Variants in EPHA3 observed in about 807,000 individuals in gnomAD.
The protein encoded by EPHA3 is ephrin type-A receptor 3.
Under a neutral mutation model 107.1 loss-of-function variants are expected in EPHA3, and 42 were observed. That is an observed-to-expected ratio of 0.39 (90% CI 0.31 to 0.51). The LOEUF (loss-of-function observed/expected upper bound fraction) is 0.51. Ranked by LOEUF, EPHA3 falls within the 20% of genes least tolerant of loss-of-function variation. EPHA3 has a pLI of 0.78. For synonymous variants in EPHA3, 461 were observed against 424.8 expected, an observed-to-expected ratio of 1.09 and a Z score of -1.05; for missense variants, 1,183 against 1,211.2, an observed-to-expected ratio of 0.98 and a Z score of 0.35.
At chr3:89,201,533 G>A (rs185862838) in intron 2 of EPHA3, among the ~76,000 whole-genome samples, 13 of 152,294 alleles carry the variant, frequency 8.5e-5, no homozygotes, top group African/African-American at 3.1e-4. Flanking sequence ...TACACAGTGG[G>A]AGGAGGTGCT....
At chr3:89,297,998 G>A (rs1706399588) in intron 3 of EPHA3, among the ~76,000 whole-genome samples, 1 of 152,248 alleles carries the variant, frequency 6.6e-6, no homozygotes, top group South Asian at 2.1e-4. Flanking sequence ...TCATGCCACT[G>A]TACTCCAGCC....
At chr3:89,305,261 A>G (rs1706587886) in intron 3 of EPHA3, among the ~76,000 whole-genome samples, 1 of 152,114 alleles carries the variant, frequency 6.6e-6, no homozygotes, top group South Asian at 2.1e-4. Context: ...TTTCAACATG[A>G]TGAGTTATTT....
chr3:89,179,721 C>T (rs867850527), intron 2 of EPHA3, among the ~76,000 whole-genome samples: 1 of 151,394 alleles, frequency 6.6e-6, no homozygotes, highest in East Asian at 1.9e-4. Context: ...CCTTGTCTAG[C>T]TCCTTTTTCG....
At chr3:89,384,404 G>T (rs1488164095) in intron 5 of EPHA3, among the ~76,000 whole-genome samples, 1 of 152,118 alleles carries the variant, frequency 6.6e-6, no homozygotes, top group Non-Finnish European at 1.5e-5. Flanking sequence ...GAAAGTGAAA[G>T]ACAGAAACTT....
At chr3:89,370,483 A>T (rs1308135670) in intron 5 of EPHA3, among the ~76,000 whole-genome samples, 2 of 151,654 alleles carry the variant, frequency 1.3e-5, no homozygotes, top group Non-Finnish European at 2.9e-5. Context: ...CAGGAAGGGG[A>T]ACATCATACT....
intron 2 of EPHA3, among the ~76,000 whole-genome samples, chr3:89,208,418 G>GAAA: frequency 1.5e-5 from 1 of 68,892 alleles, no homozygotes; most frequent in Non-Finnish European, 2.6e-5. Flanking sequence ...AAGGAAGGAA[G>GAAA]GAAGGAAGAA....
At chr3:89,394,434 C>A (rs754901714) in intron 5 of EPHA3, among the ~76,000 whole-genome samples, 1 of 152,156 alleles carries the variant, frequency 6.6e-6, no homozygotes, top group South Asian at 2.1e-4. Context: ...TCATCATTCC[C>A]AGGCCAATCC....
At chr3:89,389,266 A>G (rs1354666770) in intron 5 of EPHA3, among the ~76,000 whole-genome samples, 1 of 152,196 alleles carries the variant, frequency 6.6e-6, no homozygotes, top group Non-Finnish European at 1.5e-5. Context: ...ATTTAACAGA[A>G]GTGTTCACTT....
At chr3:89,133,739 T>C (rs146041002) in intron 2 of EPHA3, among the ~76,000 whole-genome samples, 159 of 152,264 alleles carry the variant, frequency 1.0e-3, no homozygotes, top group African/African-American at 3.8e-3. Context: ...GGAATTGCAG[T>C]TTTCGATGCC....
intron 1 of EPHA3, among the ~76,000 whole-genome samples, chr3:89,124,443 G>C (rs921851301): frequency 6.6e-6 from 1 of 152,050 alleles, no homozygotes. Context: ...TCACTTTAAA[G>C]TATTTAGAAT....
chr3:89,407,573 C>A (rs1027297024), intron 8 of EPHA3, among the ~76,000 whole-genome samples: 4 of 152,056 alleles, frequency 2.6e-5, no homozygotes, highest in African/African-American at 9.7e-5. Context: ...ACATTAAATT[C>A]CTGTCCCCAC....
At chr3:89,261,853 A>AT (rs1365097163) in intron 3 of EPHA3, among the ~76,000 whole-genome samples, 4 of 150,920 alleles carry the variant, frequency 2.7e-5, no homozygotes, top group Non-Finnish European at 4.4e-5. Context: ...GGTTTTTGCC[A>AT]TACTTTTAAT....
chr3:89,370,299 C>T (rs1257594004), intron 5 of EPHA3, among the ~76,000 whole-genome samples: 2 of 151,688 alleles, frequency 1.3e-5, no homozygotes, highest in Non-Finnish European at 2.9e-5. Flanking sequence ...AAATGTGGCA[C>T]ATATACACCA....
At chr3:89,390,217 C>A (rs1293636404) in intron 5 of EPHA3, among the ~76,000 whole-genome samples, 1 of 152,118 alleles carries the variant, frequency 6.6e-6, no homozygotes. Flanking sequence ...TCTCGACCTC[C>A]TGACCTCATG....
At chr3:89,351,374 G>A (rs1389497272) in intron 5 of EPHA3, among the ~76,000 whole-genome samples, 12 of 150,860 alleles carry the variant, frequency 8.0e-5, no homozygotes, top group Admixed American at 1.3e-4. Flanking sequence ...GGAGTGACCC[G>A]ATTTTCCAGG....
At chr3:89,241,370 A>T (rs1404075999) in intron 3 of EPHA3, among the ~76,000 whole-genome samples, 1 of 152,152 alleles carries the variant, frequency 6.6e-6, no homozygotes, top group Non-Finnish European at 1.5e-5. Context: ...TTTGCCACTG[A>T]CTGAATGCAT....
At chr3:89,268,329 G>C (rs1705585501) in intron 3 of EPHA3, among the ~76,000 whole-genome samples, 1 of 152,036 alleles carries the variant, frequency 6.6e-6, no homozygotes, top group African/African-American at 2.4e-5. Flanking sequence ...GGAAACATGT[G>C]CTTCCTAATG....
chr3:89,217,830 G>A (rs928302052), intron 3 of EPHA3, among the ~76,000 whole-genome samples: 4 of 152,142 alleles, frequency 2.6e-5, no homozygotes, highest in African/African-American at 9.7e-5. Context: ...GCTATGAGAT[G>A]AAGGAATACC....
At chr3:89,473,624 T>C (rs1559709288) in intron 16 of EPHA3, among the ~76,000 whole-genome samples, 2 of 152,206 alleles carry the variant, frequency 1.3e-5, no homozygotes, top group Non-Finnish European at 2.9e-5. Flanking sequence ...CTCTTGGTCA[T>C]ATAGCCTTAT....
Sources: gnomAD v4.1 joint callset for allele counts (sites outside exome capture counted in the v4.1 genomes callset) on GRCh38, gnomAD v4.1.1 for gene constraint, MANE v1.5 for transcripts, NCBI Gene and HGNC (gene_info 2026-07-23, HGNC 2026-07-21) for gene names.